PDGFD: variants seen among roughly 807,000 people sequenced by gnomAD.
PDGFD encodes platelet-derived growth factor D.
PDGFD carries 30 observed loss-of-function variants against 44.7 expected under a neutral mutation model. That is an observed-to-expected ratio of 0.67 (90% CI 0.50 to 0.91). The LOEUF is 0.91. PDGFD is among the 40% of genes least tolerant of loss of function. PDGFD has a pLI of 0.00. For missense variants in PDGFD, 445 were observed against 457.8 expected (o/e 0.97, Z 0.25); for synonymous variants, 173 against 168.4 (o/e 1.03, Z -0.21).
At chr11:104,143,173 A>G (rs1320453025) in intron 1 of PDGFD, among the ~76,000 whole-genome samples, 1 of 152,186 alleles carries the variant, frequency 6.6e-6, no homozygotes, top group African/African-American at 2.4e-5. Flanking sequence ...TGTGTTTTTA[A>G]ATGTTTTTTG....
At chr11:104,109,804 T>C (rs575114703) in intron 1 of PDGFD, among the ~76,000 whole-genome samples, 2 of 152,220 alleles carry the variant, frequency 1.3e-5, no homozygotes, top group South Asian at 4.2e-4. Context: ...AAGTAGTCCA[T>C]TTGGTGTGGC....
At chr11:104,129,970 A>G (rs1237837233) in intron 1 of PDGFD, among the ~76,000 whole-genome samples, 1 of 148,672 alleles carries the variant, frequency 6.7e-6, no homozygotes, top group East Asian at 2.0e-4. Context: ...GATTGCACCA[A>G]TGCACTCCAA....
At position 103,928,600 on chromosome 11, in the gene PDGFD, C is replaced by A. The variant is rs78566465; in HGVS notation, c.773-1474G>T. ...TTATATCTACAACTGTGCTTTGATT[C>A]TCAAGGGCAGGGATTTATCCCCAAT... On this transcript the variant is annotated intron_variant, in intron 5 of 6. Coordinates refer to ENST00000393158, the MANE Select transcript of PDGFD (RefSeq NM_025208.5). Among the ~76,000 whole-genome samples, 1,327 of 152,318 alleles carry A rather than the reference C, an allele frequency of 8.7e-3. 20 individuals are homozygous for A. The highest frequency in any genetic ancestry group is 0.03 in the African/African-American group (1,267 of 41,566).
chr11:104,005,735 C>T (rs571514073), intron 1 of PDGFD, among the ~76,000 whole-genome samples: 2 of 152,308 alleles, frequency 1.3e-5, no homozygotes, highest in South Asian at 2.1e-4. Flanking sequence ...AAACTTGTGA[C>T]CTCAGGCACA....
At chr11:103,943,775 C>T in intron 4 of PDGFD, 125 bp from the exon 5 acceptor site, 1 of 725,026 alleles carries the variant, frequency 1.4e-6, no homozygotes, top group Non-Finnish European at 2.3e-6. Flanking sequence ...CGTTTGAATG[C>T]TATGTAAAAA....
At chr11:103,987,508 T>C (rs988217613) in intron 3 of PDGFD, among the ~76,000 whole-genome samples, 2 of 152,188 alleles carry the variant, frequency 1.3e-5, no homozygotes, top group African/African-American at 4.8e-5. Flanking sequence ...TTTATCAACC[T>C]TGAGCCCTCC....
At chr11:103,985,564 A>T (rs1859350177) in intron 3 of PDGFD, among the ~76,000 whole-genome samples, 1 of 151,748 alleles carries the variant, frequency 6.6e-6, no homozygotes, top group South Asian at 2.1e-4. Context: ...TTGAATTCTT[A>T]AGGAAATATA....
chr11:103,915,486 T>C (rs976928444), intron 6 of PDGFD, among the ~76,000 whole-genome samples: 3 of 151,912 alleles, frequency 2.0e-5, no homozygotes, highest in African/African-American at 7.2e-5. Context: ...TGCTCACAGA[T>C]AGTAAGAATC....
rs114604396 is a variant in PDGFD, at chr11:104,162,019, T to C, written c.124+1785A>G. ...CTGCAAAACAGTTTTAACTGAAATA[T>C]GAAGAAATGAGAAATCCAGGGTAGT... On this transcript the variant is annotated intron_variant, in intron 1 of 6. Coordinates refer to ENST00000393158, the MANE Select transcript of PDGFD (RefSeq NM_025208.5). Among the ~76,000 whole-genome samples the C allele has an allele frequency of 5.7e-3, 862 of 151,774 alleles. 5 individuals are homozygous for C. Among genetic ancestry groups the C allele is most frequent in the African/African-American group, 0.02 (831 of 41,346 alleles).
intron 1 of PDGFD, among the ~76,000 whole-genome samples, chr11:104,101,721 A>G (rs532107436): frequency 6.6e-6 from 1 of 152,242 alleles, no homozygotes; most frequent in African/African-American, 2.4e-5. Flanking sequence ...ACTGGTACCA[A>G]CAAAGAGATA....
Position 104,164,136 on chromosome 11 carries a change from C to T in PDGFD, c.-209G>A, listed in dbSNP as rs1862433436. The T allele has an allele frequency of 4.6e-6, 2 of 431,014 alleles. No homozygotes were observed. The highest frequency in any genetic ancestry group is 4.0e-5 in the Admixed American group (1 of 25,236). 26.7% of individuals were successfully genotyped at this position (431,014 alleles called of 1,614,324 possible). Reference sequence around the variant, plus strand: ...TGCCGCACTTCCTTGTGGTGCTGAGCTGATAAATGGTGACGGGACAAACAA... The same window carrying T: ...TGCCGCACTTCCTTGTGGTGCTGAGTTGATAAATGGTGACGGGACAAACAA... On this transcript the variant is annotated 5_prime_UTR_variant, in exon 1 of 7. Transcript: ENST00000393158.
intron 1 of PDGFD, among the ~76,000 whole-genome samples, chr11:104,161,111 T>A (rs1317103854): frequency 1.3e-5 from 2 of 152,190 alleles, no homozygotes. Flanking sequence ...AGCCTTCAAG[T>A]ATGTCTATCA....
At chr11:104,037,977 A>T (rs756523264) in intron 1 of PDGFD, 1 of 1,614,008 alleles carries the variant, frequency 6.2e-7, no homozygotes, top group African/African-American at 1.3e-5. Flanking sequence ...AGGAAATTAC[A>T]CATTCAGTCA....
chr11:104,137,607 T>C (rs1474246475), intron 1 of PDGFD, among the ~76,000 whole-genome samples: 1 of 152,182 alleles, frequency 6.6e-6, no homozygotes, highest in African/African-American at 2.4e-5. Flanking sequence ...AGATCTCACT[T>C]TGCCACAGAC....
At chr11:104,134,735 C>T (rs1378224661) in intron 1 of PDGFD, among the ~76,000 whole-genome samples, 1 of 152,162 alleles carries the variant, frequency 6.6e-6, no homozygotes, top group African/African-American at 2.4e-5. Context: ...TATGTTTATT[C>T]AGGTCTCAGG....
At chr11:103,976,458 A>G (rs1259124421) in intron 3 of PDGFD, among the ~76,000 whole-genome samples, 1 of 152,152 alleles carries the variant, frequency 6.6e-6, no homozygotes, top group Admixed American at 6.5e-5. Flanking sequence ...TAAATATACA[A>G]TCATGTCATC....
intron 5 of PDGFD, among the ~76,000 whole-genome samples, chr11:103,941,977 C>T (rs980741598): frequency 6.6e-6 from 1 of 151,988 alleles, no homozygotes; most frequent in African/African-American, 2.4e-5. Flanking sequence ...CAATCTGTGC[C>T]CTGGAGAGAT....
chr11:104,124,953 T>C (rs890374058), intron 1 of PDGFD, among the ~76,000 whole-genome samples: 1 of 152,144 alleles, frequency 6.6e-6, no homozygotes. Flanking sequence ...ATATTCAGAA[T>C]TATCTCCTTT....
At chr11:103,963,605 G>A (rs927392600) in intron 3 of PDGFD, among the ~76,000 whole-genome samples, 1 of 152,038 alleles carries the variant, frequency 6.6e-6, no homozygotes, top group African/African-American at 2.4e-5. Context: ...GCATACATGG[G>A]AAACAAACCA....
Sources: allele counts gnomAD v4.1 joint callset (sites outside exome capture counted in the v4.1 genomes callset), GRCh38; gene constraint gnomAD v4.1.1; transcripts MANE v1.5; gene names NCBI Gene and HGNC (gene_info 2026-07-23, HGNC 2026-07-21).